CACNA2D3: variants seen among roughly 807,000 people sequenced by gnomAD.
CACNA2D3 encodes the protein voltage-dependent calcium channel subunit alpha-2/delta-3.
CACNA2D3 carries 60 observed loss-of-function variants against 160.6 expected under a neutral mutation model. The observed-to-expected ratio is 0.37, with a 90% confidence interval of 0.30 to 0.46. The LOEUF (loss-of-function observed/expected upper bound fraction) is 0.46, where lower values mean the gene tolerates loss of function less well. Among genes scored for constraint, CACNA2D3 ranks in the 20% least tolerant of loss-of-function variants. The pLI is 1.00. For synonymous variants in CACNA2D3, 558 were observed against 492.9 expected, an observed-to-expected ratio of 1.13 and a Z score of -1.75; for missense variants, 1,205 against 1,365.0, an observed-to-expected ratio of 0.88 and a Z score of 1.85.
chr3:54,724,560 C>A (rs1701240536), intron 11 of CACNA2D3, among the ~76,000 whole-genome samples: 1 of 152,132 alleles, frequency 6.6e-6, no homozygotes, highest in African/African-American at 2.4e-5. Flanking sequence ...GAAATAATAA[C>A]AAACAGTCTC....
intron 2 of CACNA2D3, among the ~76,000 whole-genome samples, chr3:54,235,630 A>T (rs1222066075): frequency 2.6e-5 from 4 of 152,178 alleles, no homozygotes; most frequent in African/African-American, 9.7e-5. Context: ...ATTCGACATG[A>T]GATTTGGTGG....
At chr3:54,773,293 T>C (rs2360026) in intron 13 of CACNA2D3, among the ~76,000 whole-genome samples, 88,583 of 152,118 alleles carry the variant, frequency 0.58, 27,030 homozygotes, top group African/African-American at 0.79. Flanking sequence ...AGCAATTAAA[T>C]GGGGTCAAAG....
chr3:54,632,729 G>A (rs1437091025), intron 10 of CACNA2D3: 6 of 151,994 alleles, frequency 3.9e-5, no homozygotes, highest in African/African-American at 7.3e-5. Flanking sequence ...AAGATTTTGA[G>A]GTCAGGGGTT....
At chr3:54,541,729 G>C (rs1357719198) in intron 5 of CACNA2D3, among the ~76,000 whole-genome samples, 1 of 152,212 alleles carries the variant, frequency 6.6e-6, no homozygotes, top group African/African-American at 2.4e-5. Context: ...GAAGGATGAA[G>C]AAAGACTGAG....
intron 35 of CACNA2D3, among the ~76,000 whole-genome samples, chr3:55,070,687 T>C (rs192813769): frequency 1.3e-3 from 196 of 152,288 alleles, no homozygotes; most frequent in African/African-American, 4.4e-3. Context: ...GAAAACTGAG[T>C]CAAATATTTG....
At chr3:54,690,370 C>G (rs1294050845) in intron 11 of CACNA2D3, among the ~76,000 whole-genome samples, 1 of 152,138 alleles carries the variant, frequency 6.6e-6, no homozygotes, top group East Asian at 1.9e-4. Context: ...CATTGTTCCT[C>G]TCCAATAGAC....
intron 2 of CACNA2D3, among the ~76,000 whole-genome samples, chr3:54,150,992 G>A (rs1450636228): frequency 1.3e-5 from 2 of 151,860 alleles, no homozygotes; most frequent in Non-Finnish European, 2.9e-5. Flanking sequence ...GGATGGATGA[G>A]TGGGTGGATA....
chr3:54,554,797 T>G (rs1269654220), intron 5 of CACNA2D3, among the ~76,000 whole-genome samples: 3 of 151,892 alleles, frequency 2.0e-5, no homozygotes, highest in Non-Finnish European at 4.4e-5. Context: ...GCAACCCTGA[T>G]GTGGAGAACA....
intron 5 of CACNA2D3, among the ~76,000 whole-genome samples, chr3:54,512,110 A>AT (rs1280124718): frequency 6.6e-6 from 1 of 152,192 alleles, no homozygotes; most frequent in East Asian, 1.9e-4. Flanking sequence ...GACTTCCAGG[A>AT]TTTAAGAAGC....
chr3:54,692,029 C>T (rs1158028909), intron 11 of CACNA2D3, among the ~76,000 whole-genome samples: 1 of 151,692 alleles, frequency 6.6e-6, no homozygotes, highest in African/African-American at 2.4e-5. Flanking sequence ...GGCTGGAGTA[C>T]AGTGGCGTGA....
In CACNA2D3 at chr3:54,984,662, T is replaced by G. The variant is rs147900611; in HGVS notation, c.2611T>G (p.Tyr871Asp). The G allele has an allele frequency of 1.3e-4, 204 of 1,560,252 alleles. 1 individual carries two copies. The African/African-American group carries it at 2.5e-3, about 19-fold the overall frequency. ...NNGFILVSED[Y>D]TQTGDFFGEI... ...TGGATTTATTTTGGTGTCTGAAGAC[T>G]ACACACAGGTGAGTGAAAATTTTCT... Residue 871 changes from tyrosine to aspartate, a missense_variant, in exon 30 of 38, where the codon TAC (tyrosine) becomes GAC (aspartate). Around this residue, in one of 3 missense-constraint regions of CACNA2D3, gnomAD observed 911 missense variants for 1,002.2 expected, o/e 0.91. Coordinates refer to ENST00000474759, the MANE Select transcript of CACNA2D3 (RefSeq NM_018398.3).
chr3:55,020,854 A>C (rs547870591), intron 35 of CACNA2D3, among the ~76,000 whole-genome samples: 4 of 152,236 alleles, frequency 2.6e-5, no homozygotes, highest in South Asian at 4.2e-4. Context: ...CGTCTCAAAA[A>C]AAAAAAAAGT....
At chr3:54,806,864 C>G (rs536968129) in intron 13 of CACNA2D3, among the ~76,000 whole-genome samples, 74 of 152,192 alleles carry the variant, frequency 4.9e-4, no homozygotes, top group African/African-American at 1.7e-3. Context: ...AGATATAGAT[C>G]AATGGAACAG....
chr3:54,249,869 C>G (rs574785780), intron 2 of CACNA2D3, among the ~76,000 whole-genome samples: 1 of 151,750 alleles, frequency 6.6e-6, no homozygotes, highest in Non-Finnish European at 1.5e-5. Flanking sequence ...TCTTTAGTTA[C>G]CTTTTTGTTT....
intron 4 of CACNA2D3, among the ~76,000 whole-genome samples, chr3:54,394,575 T>C (rs1699341548): frequency 8.2e-6 from 1 of 122,158 alleles, no homozygotes; most frequent in Admixed American, 8.9e-5. Context: ...CGGTGTTTGG[T>C]TTTTTGTTCT....
chr3:54,655,273 C>T (rs1467865760), intron 11 of CACNA2D3, among the ~76,000 whole-genome samples: 2 of 152,166 alleles, frequency 1.3e-5, no homozygotes, highest in African/African-American at 4.8e-5. Flanking sequence ...ATGCTGACAA[C>T]TCAATTTCTC....
chr3:54,283,368 T>A (rs1391713214), intron 2 of CACNA2D3, among the ~76,000 whole-genome samples: 1 of 152,228 alleles, frequency 6.6e-6, no homozygotes, highest in African/African-American at 2.4e-5. Flanking sequence ...CATGGATATC[T>A]CCTGATGCTG....
intron 5 of CACNA2D3, among the ~76,000 whole-genome samples, chr3:54,508,110 T>C (rs976351583): frequency 1.3e-5 from 2 of 152,166 alleles, no homozygotes; most frequent in African/African-American, 4.8e-5. Context: ...GTGGGGCAAG[T>C]TGGGCAGATC....
chr3:54,827,642 G>A (rs1703775764), intron 14 of CACNA2D3, among the ~76,000 whole-genome samples: 1 of 152,102 alleles, frequency 6.6e-6, no homozygotes, highest in African/African-American at 2.4e-5. Flanking sequence ...ATTGATACAG[G>A]CAAAATACAC....
Sources: gnomAD v4.1 joint callset for allele counts (sites outside exome capture counted in the v4.1 genomes callset) on GRCh38, gnomAD v4.1.1 for gene constraint, gnomAD v4.1.1 regional missense constraint, MANE v1.5 for transcripts, NCBI Gene and HGNC (gene_info 2026-07-23, HGNC 2026-07-21) for gene names.